Variants in IL18RAP observed in about 807,000 individuals in gnomAD.
The protein encoded by IL18RAP is interleukin 18 receptor accessory protein.
A neutral mutation model predicts 58.1 loss-of-function variants in IL18RAP; 37 were observed. That is an observed-to-expected ratio of 0.64 (90% CI 0.49 to 0.84). The LOEUF (loss-of-function observed/expected upper bound fraction) is 0.84, where lower values mean the gene tolerates loss of function less well. Ranked by LOEUF, IL18RAP falls within the 40% of genes least tolerant of loss-of-function variation. The pLI is 0.00. For synonymous variants in IL18RAP, 268 were observed against 257.5 expected, an observed-to-expected ratio of 1.04 and a Z score of -0.39; for missense variants, 667 against 704.8, an observed-to-expected ratio of 0.95 and a Z score of 0.61.
At chr2:102,438,555 G>A (rs890409995) in intron 4 of IL18RAP, among the ~76,000 whole-genome samples, 4 of 152,148 alleles carry the variant, frequency 2.6e-5, no homozygotes, top group African/African-American at 7.2e-5. Flanking sequence ...TCCAAGTGAT[G>A]TGTAATTGTT....
At chr2:102,418,826 T>C (rs546214737), upstream of IL18RAP, 2 of 152,468 alleles carry the variant, frequency 1.3e-5, no homozygotes, top group East Asian at 3.8e-4. Flanking sequence ...AGTAGAACCC[T>C]TTGAAAATGG....
intron 9 of IL18RAP, 123 bp from the exon 10 acceptor site, chr2:102,451,643 C>T (rs1405656786): frequency 7.9e-6 from 6 of 762,462 alleles, no homozygotes; most frequent in Non-Finnish European, 1.3e-5. Flanking sequence ...AGAGCTGATA[C>T]AGTGTAAGTG....
At chr2:102,426,156 A>G (rs936627909) in intron 3 of IL18RAP, among the ~76,000 whole-genome samples, 1 of 152,172 alleles carries the variant, frequency 6.6e-6, no homozygotes, top group African/African-American at 2.4e-5. Flanking sequence ...TTAGGCAGGA[A>G]AAAACACCTA....
At chr2:102,448,381 T>G (rs1437759155) in intron 8 of IL18RAP, among the ~76,000 whole-genome samples, 1 of 152,190 alleles carries the variant, frequency 6.6e-6, no homozygotes, top group Non-Finnish European at 1.5e-5. Flanking sequence ...ATTAATGAAG[T>G]GCCTGTCAAT....
chr2:102,422,442 C>A (rs565871217), upstream of IL18RAP, among the ~76,000 whole-genome samples: 1 of 152,322 alleles, frequency 6.6e-6, no homozygotes, highest in African/African-American at 2.4e-5. Flanking sequence ...GTTACAGATG[C>A]CCCAGGCTCC....
chr2:102,425,311 C>T (rs1036211140), intron 3 of IL18RAP, among the ~76,000 whole-genome samples: 2 of 152,118 alleles, frequency 1.3e-5, no homozygotes, highest in African/African-American at 2.4e-5. Flanking sequence ...TGGTTTAATG[C>T]ACCCCAAATT....
intron 3 of IL18RAP, among the ~76,000 whole-genome samples, chr2:102,426,539 T>A (rs1363136905): frequency 6.6e-6 from 1 of 151,980 alleles, no homozygotes; most frequent in African/African-American, 2.4e-5. Context: ...CAATAGATTT[T>A]AAAAAAAGAT....
At chr2:102,444,430 T>C (rs992447698) in intron 6 of IL18RAP, among the ~76,000 whole-genome samples, 3 of 152,196 alleles carry the variant, frequency 2.0e-5, no homozygotes, top group Admixed American at 2.0e-4. Context: ...GATAATAGCC[T>C]GCACTTTGCA....
At position 102,445,335 on chromosome 2, in the gene IL18RAP, G is replaced by A. The variant is rs1306743452; in HGVS notation, c.1067G>A (p.Arg356Lys). The stretch of plus-strand genomic sequence containing the variant: ...CAGTCCGTCCAACTGAAAGAAAAGA[G>A]AGGAGGTAAGCCCAGAAGGTTGCCC... ...TTQSVQLKEK[R>K]GVVLLYILLG... Residue 356 changes from arginine (R) to lysine (K), a missense_variant, in exon 7 of 10, where the codon AGA (arginine) becomes AAA (lysine). Transcript: ENST00000687160. The A allele has an allele frequency of 1.2e-6, 2 of 1,614,178 alleles. No individual in the cohort carries two copies. The highest frequency in any genetic ancestry group is 1.7e-6 in the Non-Finnish European group (2 of 1,179,994).
chr2:102,440,579 A>T (rs567574930), intron 4 of IL18RAP: 1 of 152,346 alleles, frequency 6.6e-6, no homozygotes, highest in Non-Finnish European at 1.5e-5. Flanking sequence ...TTTTAGGATG[A>T]TGAGACTGAG....
In IL18RAP at chr2:102,452,104, A is replaced by G. The variant is rs1250664404; in HGVS notation, c.1723A>G (p.Thr575Ala). ...ATTCACGTGGAACCAGCTCAGAATTACCTCTAGGATTTTTCAGTGGAAAGG... is the reference window on the plus strand; with the variant it reads ...ATTCACGTGGAACCAGCTCAGAATTGCCTCTAGGATTTTTCAGTGGAAAGG... ...QGFTWNQLRI[T>A]SRIFQWKGLS... is the part of the protein sequence containing the mutation. Residue 575 changes from threonine (T) to alanine (A), a missense_variant, in exon 10 of 10, where the codon ACC (threonine) becomes GCC (alanine). Physicochemically the swap from Thr to Ala is moderately conservative, Grantham distance 58. Coordinates refer to ENST00000687160, the MANE Select transcript of IL18RAP (RefSeq NM_001393487.1). The G allele has an allele frequency of 6.2e-7, 1 of 1,613,984 alleles. No homozygotes were observed. Among genetic ancestry groups the G allele is most frequent in the Non-Finnish European group, 8.5e-7 (1 of 1,180,018 alleles).
intron 4 of IL18RAP, among the ~76,000 whole-genome samples, chr2:102,437,815 G>T (rs1308519218): frequency 6.6e-6 from 1 of 152,038 alleles, no homozygotes; most frequent in Non-Finnish European, 1.5e-5. Context: ...GTAACATCTT[G>T]TCATTTATAT....
chr2:102,428,487 T>C (rs1223167948), intron 3 of IL18RAP, among the ~76,000 whole-genome samples: 1 of 151,818 alleles, frequency 6.6e-6, no homozygotes, highest in Non-Finnish European at 1.5e-5. Flanking sequence ...GCTTGTTTAC[T>C]TAATTTCCTT....
chr2:102,438,893 A>G (rs1404049370), intron 4 of IL18RAP: 1 of 152,294 alleles, frequency 6.6e-6, no homozygotes, highest in Non-Finnish European at 1.5e-5. Context: ...AAGAGAAAGG[A>G]GCACTATGGG....
chr2:102,422,565 T>A (rs542704451), upstream of IL18RAP, among the ~76,000 whole-genome samples: 691 of 152,130 alleles, frequency 4.5e-3, 2 homozygotes, highest in South Asian at 0.013. Context: ...GTTTGAAAGG[T>A]CCCATGACTG....
upstream of IL18RAP, among the ~76,000 whole-genome samples, chr2:102,420,246 G>T (rs970819826): frequency 6.6e-6 from 1 of 152,164 alleles, no homozygotes; most frequent in African/African-American, 2.4e-5. Context: ...GCTTATCCCT[G>T]AGCAGGGTTT....
intron 7 of IL18RAP, among the ~76,000 whole-genome samples, chr2:102,446,543 A>G (rs1683428744): frequency 6.6e-6 from 1 of 152,110 alleles, no homozygotes; most frequent in Non-Finnish European, 1.5e-5. Context: ...ATAAGTGAAA[A>G]CACACAATGT....
At chr2:102,418,659 T>C (rs1420105), upstream of IL18RAP, 81,406 of 152,116 alleles carry the variant, frequency 0.54, 23,638 homozygotes, top group African/African-American at 0.73. Context: ...GGTAGTTTAT[T>C]TGATTTTCCT....
upstream of IL18RAP, among the ~76,000 whole-genome samples, chr2:102,421,374 C>T (rs1681566640): frequency 6.6e-6 from 1 of 152,164 alleles, no homozygotes; most frequent in Non-Finnish European, 1.5e-5. Context: ...GCATTTTGTC[C>T]ATGGTGCTCT....
Sources: gnomAD v4.1 joint callset for allele counts (sites outside exome capture counted in the v4.1 genomes callset) on GRCh38, gnomAD v4.1.1 for gene constraint, MANE v1.5 for transcripts, NCBI Gene and HGNC (gene_info 2026-07-23, HGNC 2026-07-21) for gene names.